The following OSBPL6 variants were observed in gnomAD, a reference collection of about 807,000 sequenced individuals.
OSBPL6 encodes the protein oxysterol-binding protein-related protein 6.
A neutral mutation model predicts 125.8 loss-of-function variants in OSBPL6; 49 were observed. The observed-to-expected ratio is 0.39, with a 90% CI of 0.31 to 0.49. OSBPL6 has a LOEUF of 0.49. OSBPL6 is among the 20% of genes least tolerant of loss of function. The probability of loss-of-function intolerance (pLI) is 0.88; values close to 1 mark genes in which losing one functional copy is unlikely to be tolerated. For missense variants in OSBPL6, 986 were observed against 1,135.4 expected (o/e 0.87, Z 1.89); for synonymous variants, 394 against 391.8 (o/e 1.01, Z -0.07).
At chr2:178,291,436 T>A (rs1313317305) in intron 2 of OSBPL6, among the ~76,000 whole-genome samples, 2 of 152,214 alleles carry the variant, frequency 1.3e-5, no homozygotes, top group Non-Finnish European at 2.9e-5. Context: ...AGATAAACAC[T>A]CTAAATAAAG....
chr2:178,370,503 G>A (rs755582604), intron 13 of OSBPL6, among the ~76,000 whole-genome samples: 44 of 152,160 alleles, frequency 2.9e-4, no homozygotes, highest in Non-Finnish European at 4.7e-4. Flanking sequence ...GTAATGCAGT[G>A]TCGTTGCTGG....
In OSBPL6 at chr2:178,257,708, T is replaced by C. The variant is rs370250104; in HGVS notation, c.-350-27219T>C. Among the ~76,000 whole-genome samples, 69 of 152,292 alleles carry C rather than the reference T, an allele frequency of 4.5e-4. 2 individuals are homozygous for C. In the South Asian group the frequency reaches 0.014, roughly 30 times the overall value. On this transcript the variant is annotated intron_variant, in intron 1 of 24. Coordinates refer to ENST00000190611, the MANE Select transcript of OSBPL6 (RefSeq NM_032523.4). ...TAGTTTGTAGAAGAATAAACTGAGG[T>C]TCAGAAAGGTTGTGACTTTCTCAGG...
In OSBPL6 at chr2:178,395,999, G is replaced by A; in HGVS notation, c.*440G>A. On this transcript the variant is annotated 3_prime_UTR_variant, in exon 25 of 25. Coordinates refer to ENST00000190611, the MANE Select transcript of OSBPL6 (RefSeq NM_032523.4). ...AGGACTCCTGGGCCACAAGCAGTCGGTCAGTGCAGACTTCAAGTGTGTCTG... is the reference window on the plus strand; with the variant it reads ...AGGACTCCTGGGCCACAAGCAGTCGATCAGTGCAGACTTCAAGTGTGTCTG... 2.9e-6 allele frequency: 1 copy of A among 348,026 alleles called. No homozygotes were observed. Among genetic ancestry groups the A allele is most frequent in the South Asian group, 2.4e-5 (1 of 42,026 alleles). The allele number at this position is 348,026 out of a possible 1,614,324, so 21.6% of individuals were successfully genotyped here.
chr2:178,194,415 C>G (rs2088720647), upstream of OSBPL6: 1 of 151,966 alleles, frequency 6.6e-6, no homozygotes, highest in South Asian at 2.1e-4. Flanking sequence ...GGGCGGGGAA[C>G]CCGGAGCGCC....
At chr2:178,384,421 A>G (rs1694752442) in intron 18 of OSBPL6, among the ~76,000 whole-genome samples, 2 of 152,226 alleles carry the variant, frequency 1.3e-5, no homozygotes, top group South Asian at 2.1e-4. Flanking sequence ...GGTTGGGTTT[A>G]TACATTTTAG....
At chr2:178,391,977 C>G (rs1695446229) in intron 22 of OSBPL6, among the ~76,000 whole-genome samples, 1 of 152,196 alleles carries the variant, frequency 6.6e-6, no homozygotes, top group Non-Finnish European at 1.5e-5. Context: ...TACAAAGATC[C>G]TGCCTTCAAG....
chr2:178,211,916 C>G lies in OSBPL6; in HGVS notation c.-351+17242C>G, dbSNP rs887165680. Among the ~76,000 whole-genome samples, 7 of 152,256 alleles carry G rather than the reference C, an allele frequency of 4.6e-5. No individual in the cohort carries two copies. The South Asian group carries it at 1.5e-3, about 32-fold the overall frequency. On this transcript the variant is annotated intron_variant, in intron 1 of 24. Transcript: ENST00000190611. ...GGCCTGGACTCCACCAATTATAACACATTTTAAAGGAATAGTATATGTTTT... is the reference window on the plus strand; with the variant it reads ...GGCCTGGACTCCACCAATTATAACAGATTTTAAAGGAATAGTATATGTTTT...
chr2:178,251,308 C>T (rs1574632252), intron 1 of OSBPL6, among the ~76,000 whole-genome samples: 2 of 151,772 alleles, frequency 1.3e-5, no homozygotes, highest in African/African-American at 2.4e-5. Flanking sequence ...TTCGGTAAGC[C>T]GTCTACTCTG....
At chr2:178,298,471 T>G (rs1249283840) in intron 2 of OSBPL6, among the ~76,000 whole-genome samples, 2 of 152,238 alleles carry the variant, frequency 1.3e-5, no homozygotes, top group African/African-American at 4.8e-5. Context: ...TTGCCCAGGC[T>G]GGAGTGCAGT....
At chr2:178,209,216 A>T (rs892256631) in intron 1 of OSBPL6, among the ~76,000 whole-genome samples, 1 of 151,884 alleles carries the variant, frequency 6.6e-6, no homozygotes, top group Non-Finnish European at 1.5e-5. Flanking sequence ...TTTTTCTGGA[A>T]TTCTGATTAT....
chr2:178,295,984 A>G (rs1285777879), intron 2 of OSBPL6, among the ~76,000 whole-genome samples: 2 of 152,108 alleles, frequency 1.3e-5, no homozygotes, highest in Non-Finnish European at 2.9e-5. Flanking sequence ...AATCTTAGCA[A>G]TTCCTTTATT....
At chr2:178,303,256 A>G (rs1395200255) in intron 2 of OSBPL6, among the ~76,000 whole-genome samples, 1 of 152,224 alleles carries the variant, frequency 6.6e-6, no homozygotes, top group Admixed American at 6.5e-5. Flanking sequence ...GTTTCAAGAG[A>G]AAGTCTCCCA....
At chr2:178,348,070 C>G (rs904644848) in intron 11 of OSBPL6, among the ~76,000 whole-genome samples, 5 of 152,190 alleles carry the variant, frequency 3.3e-5, no homozygotes, top group African/African-American at 1.2e-4. Context: ...CATGTGTCCT[C>G]TAAATCCTTG....
At chr2:178,328,471 G>A (rs1342230642) in intron 5 of OSBPL6, 93 bp downstream of exon 5, 7 of 1,494,984 alleles carry the variant, frequency 4.7e-6, no homozygotes, top group Admixed American at 4.2e-5. Context: ...GAATATGGCA[G>A]TATGTGTAAA....
intron 13 of OSBPL6, among the ~76,000 whole-genome samples, chr2:178,362,058 T>A (rs1459018867): frequency 6.6e-6 from 1 of 152,212 alleles, no homozygotes; most frequent in East Asian, 1.9e-4. Flanking sequence ...TTTTGGCCAA[T>A]TGAACACTTA....
At chr2:178,242,738 A>G (rs1397603993) in intron 1 of OSBPL6, among the ~76,000 whole-genome samples, 1 of 152,234 alleles carries the variant, frequency 6.6e-6, no homozygotes, top group Non-Finnish European at 1.5e-5. Context: ...AAATACTACC[A>G]GTTGGCCAAA....
chr2:178,270,133 G>A (rs922013891), intron 1 of OSBPL6, among the ~76,000 whole-genome samples: 4 of 152,156 alleles, frequency 2.6e-5, no homozygotes, highest in African/African-American at 9.7e-5. Flanking sequence ...AGCAGGGTTG[G>A]GGGTAGGCTC....
At chr2:178,213,862 C>T (rs916110496) in intron 1 of OSBPL6, among the ~76,000 whole-genome samples, 3 of 152,154 alleles carry the variant, frequency 2.0e-5, no homozygotes, top group African/African-American at 7.2e-5. Flanking sequence ...ACTGCTCTTC[C>T]TCCTGTCCTC....
intron 1 of OSBPL6, among the ~76,000 whole-genome samples, chr2:178,224,227 G>T (rs2090458518): frequency 6.6e-6 from 1 of 152,148 alleles, no homozygotes; most frequent in South Asian, 2.1e-4. Context: ...GGAAGAGAAG[G>T]TTGCATTGAA....
Sources: allele counts gnomAD v4.1 joint callset (sites outside exome capture counted in the v4.1 genomes callset), GRCh38; gene constraint gnomAD v4.1.1; transcripts MANE v1.5; gene names NCBI Gene and HGNC (gene_info 2026-07-23, HGNC 2026-07-21).